NDUFC1: variants seen among roughly 807,000 people sequenced by gnomAD.
NDUFC1 encodes the protein NADH:ubiquinone oxidoreductase subunit C1.
In NDUFC1, 11 loss-of-function variants were observed where a neutral mutation model predicts 11.6. The ratio of observed to expected loss-of-function variants is 0.95; its 90% confidence interval spans 0.60 to 1.58. NDUFC1 has a LOEUF of 1.58. Among genes scored for constraint, NDUFC1 ranks in the 40% most tolerant of loss-of-function variants. The pLI, the probability that NDUFC1 is intolerant of heterozygous loss-of-function variation, is 0.00. For missense variants in NDUFC1, 112 were observed against 93.0 expected, an observed-to-expected ratio of 1.20 and a Z score of -0.84; for synonymous variants, 52 against 42.2, an observed-to-expected ratio of 1.23 and a Z score of -0.90.
intron 3 of NDUFC1, 68 bp from the exon 4 acceptor site, chr4:139,295,214 C>T (rs548218017): frequency 8.0e-5 from 96 of 1,195,968 alleles, no homozygotes; most frequent in Non-Finnish European, 1.1e-4. Context: ...CTAACATTTA[C>T]GTGCGTATTA....
chr4:139,297,509 T>A (rs1745519223), intron 1 of NDUFC1, 66 bp from the exon 2 acceptor site: 1 of 152,194 alleles, frequency 6.6e-6, no homozygotes, highest in African/African-American at 2.4e-5. Flanking sequence ...TTGTTAGAAG[T>A]TGCTTCATAA....
chr4:139,295,093 A>C lies in NDUFC1; in HGVS notation c.121T>G (p.Trp41Gly). ...CCCAAGGTGAACCCAACTTTCAGCC[A>C]GTCAGGTTTGGCATTCGGCGGCTCT... Reference protein sequence around the residue: ...VREPPNAKPDWLKVGFTLGTT... With the variant: ...VREPPNAKPDGLKVGFTLGTT... Residue 41 changes from tryptophan to glycine, a missense_variant, in exon 4 of 6, where the codon TGG (tryptophan) becomes GGG (glycine). By Grantham distance (184) the Trp-to-Gly change is radical. Transcript: ENST00000394223. 1 of 1,614,204 alleles carries C rather than the reference A, an allele frequency of 6.2e-7. No individual in the cohort carries two copies. Among genetic ancestry groups the C allele is most frequent in the Non-Finnish European group, 8.5e-7 (1 of 1,180,028 alleles).
At position 139,295,808 on chromosome 4, in the gene NDUFC1, C is replaced by T. The variant is rs768382784; in HGVS notation, c.-10G>A. 1.6e-5 allele frequency: 24 copies of T among 1,544,248 alleles called. No homozygotes were observed. In the South Asian group the frequency reaches 2.0e-4, roughly 13 times the overall value. Reference sequence around the variant, plus strand: ...AGGCGGACGGCGCCATCTTGCGTGGCCCAGCTCAGTCTCTCCGAGTTGGCA... The same window carrying T: ...AGGCGGACGGCGCCATCTTGCGTGGTCCAGCTCAGTCTCTCCGAGTTGGCA... On this transcript the variant is annotated 5_prime_UTR_variant, in exon 3 of 6. Coordinates refer to ENST00000394223, the MANE Select transcript of NDUFC1 (RefSeq NM_001184989.2).
chr4:139,294,028 A>G (rs112589640), intron 4 of NDUFC1, among the ~76,000 whole-genome samples: 39,599 of 137,162 alleles, frequency 0.29, 5,523 homozygotes, highest in African/African-American at 0.38. Context: ...TGCAAGCTCC[A>G]CCTCCCGGGT....
At chr4:139,298,816 G>A (rs1312744401) in intron 1 of NDUFC1, among the ~76,000 whole-genome samples, 1 of 151,934 alleles carries the variant, frequency 6.6e-6, no homozygotes, top group African/African-American at 2.4e-5. Flanking sequence ...TGGGACTACA[G>A]GCTCACAGCA....
chr4:139,298,765 T>C (rs1745582021), intron 1 of NDUFC1, among the ~76,000 whole-genome samples: 1 of 151,706 alleles, frequency 6.6e-6, no homozygotes, highest in Non-Finnish European at 1.5e-5. Flanking sequence ...TCTCGACCTC[T>C]GGGGCCGAAG....
intron 5 of NDUFC1, 68 bp downstream of exon 5, chr4:139,292,462 T>G: frequency 1.5e-6 from 1 of 670,404 alleles, no homozygotes; most frequent in South Asian, 2.9e-5. Flanking sequence ...AAGCTTGTTT[T>G]TCAGTATTTA....
intron 4 of NDUFC1, among the ~76,000 whole-genome samples, chr4:139,293,175 C>T (rs534161337): frequency 8.1e-4 from 124 of 152,196 alleles, no homozygotes; most frequent in Non-Finnish European, 1.5e-3. Context: ...GGGTAATAAA[C>T]GTAATGAAAT....
intron 5 of NDUFC1, among the ~76,000 whole-genome samples, chr4:139,291,124 T>TA (rs1338243015): frequency 6.7e-6 from 1 of 150,122 alleles, no homozygotes; most frequent in African/African-American, 2.4e-5. Flanking sequence ...ATGTATATAT[T>TA]TTATATATAT....
chr4:139,292,123 C>G (rs377268744), intron 5 of NDUFC1, among the ~76,000 whole-genome samples: 28 of 152,174 alleles, frequency 1.8e-4, no homozygotes, highest in African/African-American at 5.8e-4. Flanking sequence ...AGGCGTGAGC[C>G]ACCGCGCCTG....
At chr4:139,296,921 T>C (rs1745496366) in intron 2 of NDUFC1, among the ~76,000 whole-genome samples, 1 of 152,262 alleles carries the variant, frequency 6.6e-6, no homozygotes, top group Admixed American at 6.5e-5. Flanking sequence ...TTAAGATCTT[T>C]TTTAACCAAA....
chr4:139,296,637 G>C (rs1745485951), intron 2 of NDUFC1, among the ~76,000 whole-genome samples: 1 of 152,210 alleles, frequency 6.6e-6, no homozygotes, highest in Non-Finnish European at 1.5e-5. Context: ...TTGCTGAGAA[G>C]CTTAAACAAG....
At chr4:139,291,677 TA>T (rs1745223676) in intron 5 of NDUFC1, among the ~76,000 whole-genome samples, 1 of 152,132 alleles carries the variant, frequency 6.6e-6, no homozygotes, top group Admixed American at 6.6e-5. Flanking sequence ...GGATAATTAA[TA>T]AAATAGGTTT....
chr4:139,302,064 G>T, intron 1 of NDUFC1: 1 of 424,010 alleles, frequency 2.4e-6, no homozygotes, highest in Non-Finnish European at 4.2e-6. Flanking sequence ...CCCTGGTTCC[G>T]GACTAGGCCC....
At chr4:139,295,986 T>A in intron 2 of NDUFC1, 26 bp from the exon 3 acceptor site, 2 of 551,916 alleles carry the variant, frequency 3.6e-6, no homozygotes, top group African/African-American at 2.0e-5. Context: ...AGGAAGAAAA[T>A]AATTAAAAGA....
intron 3 of NDUFC1, 135 bp from the exon 4 acceptor site, chr4:139,295,281 A>C (rs1745413298): frequency 1.4e-6 from 1 of 690,542 alleles, no homozygotes; most frequent in East Asian, 2.7e-5. Context: ...CCAAGGAAAT[A>C]GAGGTTCAAA....
chr4:139,290,365 A>G (rs1330547290), intron 5 of NDUFC1, among the ~76,000 whole-genome samples: 1 of 142,260 alleles, frequency 7.0e-6, no homozygotes, highest in Non-Finnish European at 1.5e-5. Context: ...TATGTTGCCC[A>G]AACTCCTGGG....
chr4:139,291,855 G>C (rs1306361887), intron 5 of NDUFC1, among the ~76,000 whole-genome samples: 1 of 139,250 alleles, frequency 7.2e-6, no homozygotes, highest in Admixed American at 7.2e-5. Flanking sequence ...TTTTTTTTTT[G>C]AGAAGGAGTC....
intron 1 of NDUFC1, chr4:139,301,929 C>T: frequency 7.7e-7 from 1 of 1,296,222 alleles, no homozygotes; most frequent in Non-Finnish European, 1.1e-6. Context: ...GCCACTCCCG[C>T]CCGGGACCCC....
Sources: gnomAD v4.1 joint callset for allele counts (sites outside exome capture counted in the v4.1 genomes callset) on GRCh38, gnomAD v4.1.1 for gene constraint, MANE v1.5 for transcripts, NCBI Gene and HGNC (gene_info 2026-07-23, HGNC 2026-07-21) for gene names.